The following PNPLA8 variants were observed in gnomAD, a reference collection of about 807,000 sequenced individuals.
PNPLA8 encodes patatin like domain 8, phospholipase A2, also known as calcium-independent phospholipase A2-gamma.
In PNPLA8, 39 loss-of-function variants were observed where a neutral mutation model predicts 76.9. The ratio of observed to expected loss-of-function variants is 0.51; its 90% confidence interval spans 0.39 to 0.66. The LOEUF (loss-of-function observed/expected upper bound fraction) is 0.66, where lower values mean the gene tolerates loss of function less well. Among genes scored for constraint, PNPLA8 ranks in the 30% least tolerant of loss-of-function variants. PNPLA8 has a pLI of 0.00. For synonymous variants in PNPLA8, 301 were observed against 307.9 expected (o/e 0.98, Z 0.24); for missense variants, 887 against 918.0 (o/e 0.97, Z 0.44).
At chr7:108,508,775 ATAC>A (rs1202464869) in intron 4 of PNPLA8, among the ~76,000 whole-genome samples, 1 of 152,006 alleles carries the variant, frequency 6.6e-6, no homozygotes, top group African/African-American at 2.4e-5. Context: ...GCTTCAAACT[ATAC>A]TACAAGGCTA....
At chr7:108,524,188 C>T (rs74368973) in intron 1 of PNPLA8, among the ~76,000 whole-genome samples, 3,095 of 152,274 alleles carry the variant, frequency 0.02, 42 homozygotes, top group African/African-American at 0.026. Context: ...TAATACATGA[C>T]TATTTTGGGA....
rs754208244 is a variant in PNPLA8 at position 108,487,947 on chromosome 7, C to T, written c.1690G>A (p.Ala564Thr). 5.0e-6 allele frequency: 8 copies of T among 1,595,450 alleles called. No homozygotes were observed. The highest frequency in any genetic ancestry group is 2.2e-5 in the East Asian group (1 of 44,730). The change falls in exon 9 of 11, where the codon GCT becomes ACT. Residue 564 changes from alanine (A) to threonine (T), a missense_variant. Ala to Thr is a moderately conservative substitution (Grantham distance 58). Coordinates refer to ENST00000257694, the MANE Select transcript of PNPLA8 (RefSeq NM_001256007.3). ...CCTCTATTTACTATGGTACTTACAG[C>T]AGCTACCTAGTGAATGAAAAAGTGA... The part of the protein sequence containing the change: ...ARNPTCPKVA[A>T]VSTIVNRGIT...
chr7:108,512,317 A>G (rs1403421585), intron 4 of PNPLA8, among the ~76,000 whole-genome samples: 1 of 152,100 alleles, frequency 6.6e-6, no homozygotes, highest in African/African-American at 2.4e-5. Context: ...TTATTTTCTT[A>G]TCTTTTCTTT....
At chr7:108,509,076 G>C (rs1348979192) in intron 4 of PNPLA8, among the ~76,000 whole-genome samples, 2 of 115,134 alleles carry the variant, frequency 1.7e-5, no homozygotes, top group Admixed American at 8.1e-5. Flanking sequence ...AAAAACCCTA[G>C]AAGAAAACCT....
intron 7 of PNPLA8, among the ~76,000 whole-genome samples, chr7:108,493,226 A>C (rs1391186221): frequency 6.6e-6 from 1 of 152,232 alleles, no homozygotes; most frequent in African/African-American, 2.4e-5. Context: ...GCCATGATTA[A>C]AAATAAAGAA....
intron 2 of PNPLA8, among the ~76,000 whole-genome samples, chr7:108,518,720 A>AATATATAT (rs148834592): frequency 4.0e-4 from 49 of 123,942 alleles, no homozygotes; most frequent in Middle Eastern, 9.3e-3. Flanking sequence ...TATGCACATG[A>AATATATAT]ATATATATAT....
At chr7:108,473,366 G>A (rs750670748) in intron 10 of PNPLA8, among the ~76,000 whole-genome samples, 1 of 152,052 alleles carries the variant, frequency 6.6e-6, no homozygotes, top group Non-Finnish European at 1.5e-5. Flanking sequence ...GAAATAACCC[G>A]ATTATAAACA....
Position 108,472,469 on chromosome 7 carries a change from T to C in PNPLA8, c.2281A>G (p.Lys761Glu), listed in dbSNP as rs752242059. The C allele has an allele frequency of 1.3e-6, 2 of 1,599,318 alleles. No individual in the cohort carries two copies. The highest frequency in any genetic ancestry group is 1.7e-6 in the Non-Finnish European group (2 of 1,172,106). The change falls in exon 11 of 11, where the codon AAA (lysine) becomes GAA (glutamate). Residue 761 changes from lysine (K) to glutamate (E), a missense_variant. Coordinates refer to ENST00000257694, the MANE Select transcript of PNPLA8 (RefSeq NM_001256007.3). ...TTTAATTTTATCCAATCATTAATTT[T>C]CTGCAGAGTTGTTTTTTCTTGACTT... ...ILSQEKTTLQ[K>E]INDWIKLKTD...
intron 6 of PNPLA8, among the ~76,000 whole-genome samples, chr7:108,497,030 GATA>G (rs1247850909): frequency 3.9e-5 from 6 of 151,944 alleles, no homozygotes; most frequent in South Asian, 2.1e-4. Flanking sequence ...CCCCAATAAT[GATA>G]ATAATAATAA....
At position 108,509,124 on chromosome 7, in the gene PNPLA8, T is replaced by C. The variant is rs1229281778; in HGVS notation, c.1206+5020A>G. On this transcript the variant is annotated intron_variant, in intron 4 of 10. Transcript: ENST00000257694. Reference sequence around the variant, plus strand: ...TCAGGACATAGGCATGGTCAAGGACTTCATGTCCAAAACACCAAAAGCAAT... The same window carrying C: ...TCAGGACATAGGCATGGTCAAGGACCTCATGTCCAAAACACCAAAAGCAAT... Among the ~76,000 whole-genome samples the C allele has an allele frequency of 4.5e-5, 5 of 110,080 alleles. 1 individual carries two copies. The highest frequency in any genetic ancestry group is 2.0e-4 in the African/African-American group (5 of 24,712). The allele number at this position is 110,080 out of a possible 152,430, so 72.2% of individuals were successfully genotyped here.
chr7:108,503,136 G>A (rs1012511276), intron 4 of PNPLA8, among the ~76,000 whole-genome samples: 1 of 152,166 alleles, frequency 6.6e-6, no homozygotes, highest in African/African-American at 2.4e-5. Context: ...TAACTGAGGT[G>A]AGAAGGTAAA....
rs112459739 is a variant in PNPLA8 at position 108,476,045 on chromosome 7, C to T, written c.2074+3139G>A. ...CTACACCAATCAAGTTTTCTCATTCCTTTTCTTAATTCATAGTCTTAATCA... is the reference window on the plus strand; with the variant it reads ...CTACACCAATCAAGTTTTCTCATTCTTTTTCTTAATTCATAGTCTTAATCA... On this transcript the variant is annotated intron_variant, in intron 10 of 10. Transcript: ENST00000257694. 1.3e-3 allele frequency among the ~76,000 whole-genome samples: 194 copies of T among 152,290 alleles called. 1 individual carries two copies. Among genetic ancestry groups the T allele is most frequent in the African/African-American group, 4.5e-3 (186 of 41,558 alleles).
chr7:108,481,651 C>A (rs1860404387), intron 9 of PNPLA8, among the ~76,000 whole-genome samples: 1 of 152,134 alleles, frequency 6.6e-6, no homozygotes, highest in Admixed American at 6.5e-5. Context: ...ATCTTCTTGG[C>A]AGTATATCTG....
intron 10 of PNPLA8, among the ~76,000 whole-genome samples, chr7:108,473,024 A>G (rs565143533): frequency 1.3e-5 from 2 of 152,298 alleles, no homozygotes; most frequent in African/African-American, 4.8e-5. Context: ...GCAACTCACC[A>G]ATTTTAACTG....
intron 2 of PNPLA8, among the ~76,000 whole-genome samples, chr7:108,520,061 A>G (rs1277929279): frequency 2.0e-5 from 3 of 152,142 alleles, no homozygotes; most frequent in African/African-American, 4.8e-5. Context: ...AAATAGCTAT[A>G]TAAGTATGTG....
intron 9 of PNPLA8, among the ~76,000 whole-genome samples, chr7:108,486,830 G>GT (rs1289209053): frequency 1.3e-5 from 2 of 152,030 alleles, no homozygotes; most frequent in Non-Finnish European, 2.9e-5. Flanking sequence ...TGTCAACAGC[G>GT]TAAGATTTTT....
intron 5 of PNPLA8, among the ~76,000 whole-genome samples, chr7:108,499,828 G>T (rs900243797): frequency 5.3e-5 from 8 of 152,092 alleles, no homozygotes; most frequent in African/African-American, 1.9e-4. Context: ...TATTCTACAA[G>T]ATAAACTATT....
intron 10 of PNPLA8, 90 bp downstream of exon 10, chr7:108,479,094 A>G (rs1598869026): frequency 2.6e-6 from 2 of 782,514 alleles, no homozygotes; most frequent in East Asian, 4.9e-5. Flanking sequence ...GACATATCAT[A>G]TGCCTTTGCA....
chr7:108,497,793 A>T (rs553665889), intron 5 of PNPLA8, among the ~76,000 whole-genome samples: 1 of 152,228 alleles, frequency 6.6e-6, no homozygotes, highest in African/African-American at 2.4e-5. Context: ...ACACTAAGGC[A>T]GCACATTTTA....
Sources: allele counts gnomAD v4.1 joint callset (sites outside exome capture counted in the v4.1 genomes callset), GRCh38; gene constraint gnomAD v4.1.1; transcripts MANE v1.5; gene names NCBI Gene and HGNC (gene_info 2026-07-23, HGNC 2026-07-21).